Variants in CWC22 observed in about 807,000 individuals in gnomAD.
CWC22 encodes the protein pre-mRNA-splicing factor CWC22 homolog.
CWC22 carries 53 observed loss-of-function variants against 117.2 expected under a neutral mutation model. That is an observed-to-expected ratio of 0.45 (90% confidence interval 0.36 to 0.57). The LOEUF is 0.57. Ranked by LOEUF, CWC22 falls within the 20% of genes least tolerant of loss-of-function variation. CWC22 has a pLI of 0.00. For synonymous variants in CWC22, 360 were observed against 355.6 expected (o/e 1.01, Z -0.14); for missense variants, 980 against 1,068.8 (o/e 0.92, Z 1.16).
At position 179,964,605 on chromosome 2, in the gene CWC22, T is replaced by C; in HGVS notation, c.1339A>G (p.Lys447Glu). 6.4e-7 allele frequency: 1 copy of C among 1,557,850 alleles called. No homozygotes were observed. Among genetic ancestry groups the C allele is most frequent in the South Asian group, 1.2e-5 (1 of 84,276 alleles). Reference protein sequence around the residue: ...EEGQKVTIHDKTEINLVSFRR... With the variant: ...EEGQKVTIHDETEINLVSFRR... The stretch of plus-strand genomic sequence containing the variant: ...AATGAGACCAGGTTAATTTCTGTTT[T>C]GTCATGAATAGTTACTTTTTGTCCT... Residue 447 changes from lysine to glutamate, a missense_variant, in exon 13 of 20, where the codon AAA (lysine) becomes GAA (glutamate). Transcript: ENST00000410053.
chr2:180,005,901 T>A (rs563582378), intron 1 of CWC22, among the ~76,000 whole-genome samples: 1 of 152,292 alleles, frequency 6.6e-6, no homozygotes, highest in East Asian at 1.9e-4. Context: ...AAAACAGAAA[T>A]CTTTGGTCTA....
chr2:179,988,904 T>G (rs1329101198), intron 2 of CWC22, among the ~76,000 whole-genome samples: 3 of 151,718 alleles, frequency 2.0e-5, no homozygotes, highest in Admixed American at 2.0e-4. Context: ...TTATTTTTAT[T>G]TTTTATTTCT....
chr2:180,003,351 T>C (rs190976447), intron 1 of CWC22, among the ~76,000 whole-genome samples: 2 of 152,190 alleles, frequency 1.3e-5, no homozygotes, highest in Admixed American at 6.5e-5. Flanking sequence ...ACTTACAAAA[T>C]CAACCCTAAT....
chr2:179,968,708 TAG>T (rs1239398994), intron 11 of CWC22, among the ~76,000 whole-genome samples: 1 of 151,688 alleles, frequency 6.6e-6, no homozygotes, highest in African/African-American at 2.4e-5. Flanking sequence ...GTTGGGATTA[TAG>T]GCATGCACCA....
chr2:179,992,236 A>T (rs1038471250), intron 2 of CWC22, among the ~76,000 whole-genome samples: 1 of 152,232 alleles, frequency 6.6e-6, no homozygotes, highest in South Asian at 2.1e-4. Flanking sequence ...GTTGAAGAGA[A>T]AAAGAAGTTG....
chr2:179,966,507 G>C (rs890612853), intron 11 of CWC22, among the ~76,000 whole-genome samples: 34 of 152,154 alleles, frequency 2.2e-4, no homozygotes, highest in African/African-American at 7.5e-4. Flanking sequence ...TCTCTAAATT[G>C]AACATTACAA....
At chr2:179,961,709 G>C (rs182362296) in intron 13 of CWC22, among the ~76,000 whole-genome samples, 1 of 152,060 alleles carries the variant, frequency 6.6e-6, no homozygotes, top group Admixed American at 6.5e-5. Context: ...GTATCAGGGA[G>C]AAAGCTATAT....
At chr2:179,974,857 T>C (rs937484236) in intron 6 of CWC22, among the ~76,000 whole-genome samples, 3 of 152,034 alleles carry the variant, frequency 2.0e-5, no homozygotes, top group Admixed American at 2.0e-4. Flanking sequence ...GCTCAAGCAA[T>C]CCTCCCACCT....
At chr2:179,963,676 T>TAAGG (rs1349797276) in intron 13 of CWC22, among the ~76,000 whole-genome samples, 1 of 152,162 alleles carries the variant, frequency 6.6e-6, no homozygotes, top group East Asian at 1.9e-4. Context: ...AGAAAATAAG[T>TAAGG]AAGGATAAAG....
chr2:179,971,110 A>G, intron 8 of CWC22, 34 bp from the exon 9 acceptor site: 1 of 1,395,168 alleles, frequency 7.2e-7, no homozygotes, highest in East Asian at 2.5e-5. Flanking sequence ...GAAGAAACAA[A>G]ATGCTTTTAC....
At chr2:179,959,386 AATG>A (rs1397482462) in intron 13 of CWC22, among the ~76,000 whole-genome samples, 1 of 152,152 alleles carries the variant, frequency 6.6e-6, no homozygotes, top group Non-Finnish European at 1.5e-5. Flanking sequence ...AAGTAGATTA[AATG>A]AGTAGAAAGT....
intron 16 of CWC22, among the ~76,000 whole-genome samples, chr2:179,953,240 G>A (rs748076136): frequency 6.6e-6 from 1 of 151,968 alleles, no homozygotes; most frequent in African/African-American, 2.4e-5. Flanking sequence ...GTTAGATTAC[G>A]AATGCCTATT....
intron 8 of CWC22, among the ~76,000 whole-genome samples, chr2:179,971,610 C>T (rs1207408562): frequency 6.6e-6 from 1 of 152,116 alleles, no homozygotes; most frequent in Non-Finnish European, 1.5e-5. Flanking sequence ...TGGAACACAA[C>T]AGTTTTGAAT....
At chr2:179,958,587 A>T (rs1186881158) in intron 14 of CWC22, among the ~76,000 whole-genome samples, 3 of 151,676 alleles carry the variant, frequency 2.0e-5, no homozygotes, top group Non-Finnish European at 1.5e-5. Flanking sequence ...CTCATCAGCT[A>T]TTTTTAGTGT....
chr2:179,951,936 G>C (rs1477098177), intron 17 of CWC22, among the ~76,000 whole-genome samples: 1 of 152,068 alleles, frequency 6.6e-6, no homozygotes. Flanking sequence ...AATATGGCAG[G>C]TGGTCACTGA....
At chr2:179,971,677 G>T (rs1687037857) in intron 8 of CWC22, among the ~76,000 whole-genome samples, 1 of 152,072 alleles carries the variant, frequency 6.6e-6, no homozygotes, top group Non-Finnish European at 1.5e-5. Flanking sequence ...TTCAAAAACT[G>T]ACATTTATAA....
intron 19 of CWC22, among the ~76,000 whole-genome samples, chr2:179,946,286 C>CA (rs1157819887): frequency 1.3e-5 from 2 of 151,406 alleles, no homozygotes; most frequent in African/African-American, 4.9e-5. Flanking sequence ...CCCTTCTCTA[C>CA]AAAAAATTCA....
chr2:179,965,502 G>A (rs972108411), intron 12 of CWC22, among the ~76,000 whole-genome samples: 1 of 152,170 alleles, frequency 6.6e-6, no homozygotes, highest in Admixed American at 6.5e-5. Context: ...ACTCTCATTT[G>A]TCACATTCCT....
intron 1 of CWC22, among the ~76,000 whole-genome samples, chr2:180,004,890 G>A (rs576519318): frequency 6.6e-6 from 1 of 152,240 alleles, no homozygotes; most frequent in Non-Finnish European, 1.5e-5. Flanking sequence ...ATGCATCCAA[G>A]TACTTTGGAG....
Sources: allele counts gnomAD v4.1 joint callset (sites outside exome capture counted in the v4.1 genomes callset), GRCh38; gene constraint gnomAD v4.1.1; transcripts MANE v1.5; gene names NCBI Gene and HGNC (gene_info 2026-07-23, HGNC 2026-07-21).